Variants in GRK7 observed in about 807,000 individuals in gnomAD.
GRK7 encodes the protein rhodopsin kinase GRK7.
GRK7 carries 24 observed loss-of-function variants against 34.1 expected under a neutral mutation model. The observed-to-expected ratio is 0.70, with a 90% CI of 0.51 to 0.99. GRK7 has a LOEUF of 0.99. Among genes scored for constraint, GRK7 ranks in the 50% least tolerant of loss-of-function variants. The pLI is 0.00. For missense variants in GRK7, 644 were observed against 707.3 expected (o/e 0.91, Z 1.02); for synonymous variants, 256 against 279.4 (o/e 0.92, Z 0.84).
intron 4 of GRK7, among the ~76,000 whole-genome samples, chr3:141,791,364 T>C (rs1327449881): frequency 6.6e-6 from 1 of 152,140 alleles, no homozygotes; most frequent in Non-Finnish European, 1.5e-5. Context: ...CCCCAGTTTT[T>C]TTTTTCTTTA....
In GRK7 at chr3:141,778,690, G is replaced by A. The variant is rs1413037630; in HGVS notation, c.406G>A (p.Ala136Thr). ...LSQAVATKCQ[A>T]ATTEEERVAA... The stretch of plus-strand genomic sequence containing the variant: ...CCAGGCCGTGGCCACCAAGTGCCAA[G>A]CAGCCACCACTGAGGAAGAGCGAGT... Residue 136 changes from alanine (A) to threonine (T), a missense_variant, in exon 3 of 6, where the codon GCA becomes ACA. Physicochemically the swap from Ala to Thr is moderately conservative, Grantham distance 58 (BLOSUM62 0). Transcript: ENST00000682958. The surrounding 1 kb of genome is among the most constrained non-coding windows in gnomAD (Gnocchi z 4.1). The A allele has an allele frequency of 1.9e-6, 3 of 1,613,702 alleles. No homozygotes were observed. The Admixed American group carries it at 5.0e-5, about 27-fold the overall frequency.
At chr3:141,776,298 T>TA (rs1032187744) in intron 2 of GRK7, among the ~76,000 whole-genome samples, 5 of 150,262 alleles carry the variant, frequency 3.3e-5, no homozygotes, top group African/African-American at 4.9e-5. Flanking sequence ...AAATAAAAAT[T>TA]AAAAAAAATA....
intron 4 of GRK7, among the ~76,000 whole-genome samples, chr3:141,781,079 T>C (rs1355305733): frequency 6.6e-6 from 1 of 152,070 alleles, no homozygotes; most frequent in Non-Finnish European, 1.5e-5. Flanking sequence ...TGTGATGAGA[T>C]GGAAAAAGCT....
chr3:141,782,957 A>T (rs2084679231), intron 4 of GRK7, among the ~76,000 whole-genome samples: 1 of 152,220 alleles, frequency 6.6e-6, no homozygotes, highest in South Asian at 2.1e-4. Context: ...TTCTTATGTA[A>T]CAGGGTGTGG....
At chr3:141,773,656 T>C (rs1395711650) in intron 1 of GRK7, among the ~76,000 whole-genome samples, 9 of 152,144 alleles carry the variant, frequency 5.9e-5, no homozygotes, top group Admixed American at 5.9e-4. Flanking sequence ...CCTTGTGATC[T>C]GCCCACCTTG....
chr3:141,795,339 A>G (rs906027488), intron 4 of GRK7, among the ~76,000 whole-genome samples: 1 of 152,128 alleles, frequency 6.6e-6, no homozygotes, highest in Non-Finnish European at 1.5e-5. Flanking sequence ...ACTGCCAAAC[A>G]TCTTACAATG....
the GRK7 span, among the ~76,000 whole-genome samples, chr3:141,756,206 G>A: frequency 6.6e-6 from 1 of 152,028 alleles, no homozygotes; most frequent in South Asian, 2.1e-4. Flanking sequence ...TAGCTACTCA[G>A]GAGGCTAAGG....
the GRK7 span, among the ~76,000 whole-genome samples, chr3:141,752,035 A>G: frequency 3.3e-5 from 5 of 152,196 alleles, no homozygotes; most frequent in African/African-American, 9.7e-5. Context: ...TACTAACTAC[A>G]TCTTATCCTT....
Position 141,763,592 on chromosome 3 carries a change from G to C in GRK7, c.-2361G>C, listed in dbSNP as rs60938827. The stretch of plus-strand genomic sequence containing the variant: ...CTGCAGGATCCCGGATCCAGATCCA[G>C]TGTGCGTGGCAAGGCCAGCACCCCT... On this transcript the variant is annotated 5_prime_UTR_variant, in exon 1 of 6. Coordinates refer to ENST00000682958, the MANE Select transcript of GRK7 (RefSeq NM_139209.3). 0.065 allele frequency among the ~76,000 whole-genome samples: 9,843 copies of C among 152,130 alleles called. 321 individuals are homozygous for C. The highest frequency in any genetic ancestry group is 0.11 in the South Asian group (542 of 4,814).
intron 4 of GRK7, among the ~76,000 whole-genome samples, chr3:141,801,483 G>C (rs1420898261): frequency 6.6e-6 from 1 of 151,922 alleles, no homozygotes; most frequent in Non-Finnish European, 1.5e-5. Context: ...CTATAAAAGA[G>C]ATTTAAGAGA....
In GRK7 at chr3:141,816,947, A is replaced by G. The variant is rs1711161276; in HGVS notation, c.1559A>G (p.Glu520Gly). The change falls in exon 6 of 6, where the codon GAA becomes GGA. Residue 520 changes from glutamate (E) to glycine (G), a missense_variant. By Grantham distance (98) the Glu-to-Gly change is moderately conservative. Transcript: ENST00000682958. ...TGAVPIAWQE[E>G]IIETGLFEEL... The stretch of plus-strand genomic sequence containing the variant: ...GCTGTTCCTATAGCATGGCAGGAAG[A>G]AATTATAGAAACGGGACTGTTTGAG... 2.5e-6 allele frequency: 4 copies of G among 1,614,090 alleles called. 1 individual carries two copies. In the African/African-American group the frequency reaches 5.3e-5, roughly 22 times the overall value.
the GRK7 span, among the ~76,000 whole-genome samples, chr3:141,750,503 C>A: frequency 6.6e-6 from 1 of 152,182 alleles, no homozygotes; most frequent in Non-Finnish European, 1.5e-5. Context: ...TTGTTATCTA[C>A]CTCATGGAGT....
At chr3:141,756,749 A>G in the GRK7 span, among the ~76,000 whole-genome samples, 1 of 152,236 alleles carries the variant, frequency 6.6e-6, no homozygotes, top group African/African-American at 2.4e-5. Context: ...AATGGAAAAT[A>G]AAAGAAAATG....
At chr3:141,792,608 G>T (rs543556605) in intron 4 of GRK7, among the ~76,000 whole-genome samples, 56 of 152,260 alleles carry the variant, frequency 3.7e-4, no homozygotes, top group African/African-American at 1.3e-3. Flanking sequence ...GGTTCCGGTG[G>T]TGTCTCAGAT....
rs150651806 is a variant in GRK7 at position 141,778,477 on chromosome 3, A to G, written c.193A>G (p.Ile65Val). 454 of 1,613,134 alleles carry G rather than the reference A, an allele frequency of 2.8e-4. 2 individuals are homozygous for G. The African/African-American group carries it at 5.7e-3, about 20-fold the overall frequency. Reference sequence around the variant, plus strand: ...CCACAGCCTGTGTGAGCAGCAGCCCATCGGTCGCCGCCTCTTCCGTGACTT... The same window carrying G: ...CCACAGCCTGTGTGAGCAGCAGCCCGTCGGTCGCCGCCTCTTCCGTGACTT... ...NFHSLCEQQP[I>V]GRRLFRDFLA... The change falls in exon 3 of 6, where the codon ATC becomes GTC. Residue 65 changes from isoleucine to valine, a missense_variant. Ile to Val is a conservative substitution (Grantham distance 29). Coordinates refer to ENST00000682958, the MANE Select transcript of GRK7 (RefSeq NM_139209.3). The surrounding 1 kb of genome is among the most constrained non-coding windows in gnomAD (Gnocchi z 4.1).
At chr3:141,801,129 T>G (rs1022968332) in intron 4 of GRK7, among the ~76,000 whole-genome samples, 50 of 151,198 alleles carry the variant, frequency 3.3e-4, no homozygotes, top group Middle Eastern at 3.4e-3. Context: ...GCTAACAGGG[T>G]GAAACCCCGT....
chr3:141,816,289 A>G (rs188796039), intron 5 of GRK7, among the ~76,000 whole-genome samples: 13 of 152,318 alleles, frequency 8.5e-5, no homozygotes, highest in Admixed American at 3.3e-4. Context: ...ATAAAGGGAT[A>G]TGAGTGCTGC....
At chr3:141,769,541 T>C (rs916364671) in intron 1 of GRK7, among the ~76,000 whole-genome samples, 1 of 152,264 alleles carries the variant, frequency 6.6e-6, no homozygotes, top group African/African-American at 2.4e-5. Flanking sequence ...AAAGGATGGC[T>C]TAACTGATAA....
At chr3:141,762,614 A>G (rs962893520), upstream of GRK7, among the ~76,000 whole-genome samples, 7 of 151,900 alleles carry the variant, frequency 4.6e-5, no homozygotes, top group Non-Finnish European at 1.0e-4. Flanking sequence ...GGAGGCAGGC[A>G]GGCCTCCTTG....
Sources: allele counts gnomAD v4.1 joint callset (sites outside exome capture counted in the v4.1 genomes callset), GRCh38; gene constraint gnomAD v4.1.1; non-coding constraint Gnocchi (gnomAD v3.1); transcripts MANE v1.5; gene names NCBI Gene and HGNC (gene_info 2026-07-23, HGNC 2026-07-21).